Variants in RSPH14 observed in about 807,000 individuals in gnomAD.
RSPH14 encodes rhabdoid tumor deletion region gene 1.
In RSPH14, 20 loss-of-function variants were observed where a neutral mutation model predicts 26.7. That is an observed-to-expected ratio of 0.75 (90% CI 0.53 to 1.09). The LOEUF (loss-of-function observed/expected upper bound fraction) is 1.09. Ranked by LOEUF, RSPH14 falls within the 50% of genes least tolerant of loss-of-function variation. The pLI is 0.00. For synonymous variants in RSPH14, 177 were observed against 189.3 expected (o/e 0.93, Z 0.53); for missense variants, 449 against 457.2 (o/e 0.98, Z 0.16).
rs139999209 is a variant in RSPH14 at position 23,135,182 on chromosome 22, A to G, written c.303-1038T>C. On this transcript the variant is annotated intron_variant, in intron 3 of 6. Coordinates refer to ENST00000216036, the MANE Select transcript of RSPH14 (RefSeq NM_014433.3). ...CTAGACCTTGTCTCTTAAAAAATAA[A>G]AAGATTCTAGGCCAGGCGCGGTGGC... 7.8e-3 allele frequency among the ~76,000 whole-genome samples: 1,191 copies of G among 152,090 alleles called. 18 individuals are homozygous for G. The highest frequency in any genetic ancestry group is 0.026 in the African/African-American group (1,099 of 41,482).
the RSPH14 span, chr22:23,150,237 AACAC>A: frequency 1.8e-6 from 2 of 1,105,400 alleles, no homozygotes; most frequent in South Asian, 2.6e-5. Context: ...GAACAAATGA[AACAC>A]ACACACGAGG....
chr22:23,079,286 C>T (rs1424278144), intron 4 of RSPH14, among the ~76,000 whole-genome samples: 3 of 152,212 alleles, frequency 2.0e-5, no homozygotes, highest in African/African-American at 4.8e-5. Context: ...GCAGGGAGGC[C>T]TCCTAAGGAA....
the RSPH14 span, among the ~76,000 whole-genome samples, chr22:23,154,456 G>A: frequency 6.6e-6 from 1 of 152,236 alleles, no homozygotes; most frequent in Non-Finnish European, 1.5e-5. Context: ...CCAAGGGAGA[G>A]TACAGGCCAG....
At chr22:23,109,736 G>T (rs889748220) in intron 4 of RSPH14, among the ~76,000 whole-genome samples, 1 of 152,206 alleles carries the variant, frequency 6.6e-6, no homozygotes, top group African/African-American at 2.4e-5. Flanking sequence ...AGTGTTAAAG[G>T]CCAGGCTAGA....
At chr22:23,103,472 C>T (rs74635474) in intron 4 of RSPH14, among the ~76,000 whole-genome samples, 2,411 of 152,304 alleles carry the variant, frequency 0.016, 26 homozygotes, top group Non-Finnish European at 0.025. Flanking sequence ...CACTGTGCTT[C>T]CCCAGTGACT....
chr22:23,160,860 C>T, the RSPH14 span: 2 of 1,610,026 alleles, frequency 1.2e-6, no homozygotes, highest in Admixed American at 1.7e-5. Flanking sequence ...GAGGTCCCGG[C>T]TGTCTTGTGG....
At chr22:23,163,606 G>GCCAC in the RSPH14 span, 2 of 125,234 alleles carry the variant, frequency 1.6e-5, no homozygotes, top group Non-Finnish European at 3.6e-5. Context: ...CAAGGTGAAA[G>GCCAC]CCCCCCCCCC....
the RSPH14 span, among the ~76,000 whole-genome samples, chr22:23,156,944 C>T: frequency 1.3e-5 from 2 of 152,194 alleles, no homozygotes; most frequent in African/African-American, 2.4e-5. Context: ...TTCCCATCTG[C>T]CTTGGGAGGG....
upstream of RSPH14, chr22:23,145,166 T>G (rs2070695122): frequency 3.3e-6 from 2 of 599,346 alleles, no homozygotes; most frequent in Non-Finnish European, 5.9e-6. Context: ...CCAGCCGAGC[T>G]GATCACCAGA....
At chr22:23,176,323 C>G in the RSPH14 span, among the ~76,000 whole-genome samples, 1 of 152,230 alleles carries the variant, frequency 6.6e-6, no homozygotes, top group African/African-American at 2.4e-5. Flanking sequence ...TTCCTTCTAG[C>G]ACTCTCATTA....
intron 4 of RSPH14, among the ~76,000 whole-genome samples, chr22:23,120,619 TCA>T (rs2069990463): frequency 1.3e-5 from 2 of 152,222 alleles, no homozygotes; most frequent in African/African-American, 4.8e-5. Context: ...CCATCAGGGC[TCA>T]GAGAGGCAGA....
chr22:23,099,739 C>T (rs1374094612), intron 4 of RSPH14, among the ~76,000 whole-genome samples: 2 of 152,212 alleles, frequency 1.3e-5, no homozygotes, highest in African/African-American at 4.8e-5. Context: ...GGTCAGTCAG[C>T]AAAGACAGTC....
At chr22:23,070,112 G>T (rs2146232146) in intron 4 of RSPH14, among the ~76,000 whole-genome samples, 2 of 152,126 alleles carry the variant, frequency 1.3e-5, no homozygotes, top group South Asian at 4.1e-4. Flanking sequence ...GCGGGACTGC[G>T]GCGCGCGCGG....
At chr22:23,061,140 C>T (rs2068084974) in intron 6 of RSPH14, among the ~76,000 whole-genome samples, 1 of 152,168 alleles carries the variant, frequency 6.6e-6, no homozygotes, top group African/African-American at 2.4e-5. Flanking sequence ...GATTGCAAAT[C>T]CAAGCCCAGA....
intron 4 of RSPH14, among the ~76,000 whole-genome samples, chr22:23,086,060 A>G (rs562284295): frequency 6.6e-6 from 1 of 152,362 alleles, no homozygotes; most frequent in African/African-American, 2.4e-5. Flanking sequence ...ACTGTTTTGT[A>G]TTTAGATTAC....
intron 4 of RSPH14, among the ~76,000 whole-genome samples, chr22:23,079,459 G>C (rs1001909858): frequency 2.6e-5 from 4 of 152,310 alleles, no homozygotes; most frequent in Admixed American, 1.3e-4. Context: ...TGGCAGGAGT[G>C]GGGGAGGGGG....
In RSPH14 at chr22:23,134,117, G is replaced by T; in HGVS notation, c.330C>A (p.Val110=). 6.2e-7 allele frequency: 1 copy of T among 1,612,302 alleles called. No homozygotes were observed. Among genetic ancestry groups the T allele is most frequent in the Non-Finnish European group, 8.5e-7 (1 of 1,178,594 alleles). ...GRYAFLEHDI[V]LALSFLLNDP... The stretch of plus-strand genomic sequence containing the variant: ...CATTCAGCAGGAAGGACAGGGCAAG[G>T]ACGATGTCGTGCTCTAGAAAGGCGT... The change falls in exon 4 of 7, where the codon GTC becomes GTA. Residue 110 remains valine (V), a synonymous_variant. Transcript: ENST00000216036.
At chr22:23,142,032 A>T, upstream of RSPH14, 1 of 984,808 alleles carries the variant, frequency 1.0e-6, no homozygotes, top group South Asian at 4.7e-5. Flanking sequence ...TTGCCAGGCG[A>T]CTCCAGCAGC....
the RSPH14 span, chr22:23,159,399 GTGC>G: frequency 1.2e-6 from 1 of 801,050 alleles, no homozygotes; most frequent in Non-Finnish European, 2.0e-6. Flanking sequence ...CAGCCCTGCT[GTGC>G]TGGTGCCTGG....
Sources: allele counts gnomAD v4.1 joint callset (sites outside exome capture counted in the v4.1 genomes callset), GRCh38; gene constraint gnomAD v4.1.1; transcripts MANE v1.5; gene names NCBI Gene and HGNC (gene_info 2026-07-23, HGNC 2026-07-21).